GRIK1: variants seen among roughly 807,000 people sequenced by gnomAD.
GRIK1 encodes glutamate receptor ionotropic, kainate 1.
In GRIK1, 69 loss-of-function variants were observed where a neutral mutation model predicts 105.7. The observed-to-expected ratio is 0.65, with a 90% CI of 0.54 to 0.80. The LOEUF is 0.80. Ranked by LOEUF, GRIK1 falls within the 30% of genes least tolerant of loss-of-function variation. The pLI, the probability that GRIK1 is intolerant of heterozygous loss-of-function variation, is 0.00. For missense variants in GRIK1, 1,109 were observed against 1,167.3 expected, an observed-to-expected ratio of 0.95 and a Z score of 0.73; for synonymous variants, 438 against 431.3, an observed-to-expected ratio of 1.02 and a Z score of -0.19.
chr21:29,775,816 G>T (rs1049007715), intron 1 of GRIK1, among the ~76,000 whole-genome samples: 2 of 152,192 alleles, frequency 1.3e-5, no homozygotes, highest in Non-Finnish European at 2.9e-5. Flanking sequence ...TGTATGAACA[G>T]ACTTCCTTTT....
chr21:29,652,733 A>G (rs2062764062), intron 5 of GRIK1, among the ~76,000 whole-genome samples: 1 of 152,254 alleles, frequency 6.6e-6, no homozygotes, highest in African/African-American at 2.4e-5. Context: ...ATAACATTTA[A>G]CAGGAAAAAT....
intron 7 of GRIK1, among the ~76,000 whole-genome samples, chr21:29,621,336 G>A (rs1397028696): frequency 6.6e-6 from 1 of 152,078 alleles, no homozygotes; most frequent in Non-Finnish European, 1.5e-5. Context: ...TGTGGCACCT[G>A]ACAGAAATCC....
intron 1 of GRIK1, among the ~76,000 whole-genome samples, chr21:29,808,713 A>G (rs957760998): frequency 4.6e-5 from 7 of 152,326 alleles, no homozygotes; most frequent in African/African-American, 1.7e-4. Context: ...CCACTTATGC[A>G]TAATTCCTTT....
intron 1 of GRIK1, among the ~76,000 whole-genome samples, chr21:29,769,310 C>G (rs1353732593): frequency 6.6e-6 from 1 of 152,126 alleles, no homozygotes; most frequent in African/African-American, 2.4e-5. Flanking sequence ...CATTTTGACA[C>G]AGAGACAGAC....
chr21:29,726,703 A>G (rs1313297632), intron 1 of GRIK1, among the ~76,000 whole-genome samples: 2 of 151,720 alleles, frequency 1.3e-5, no homozygotes, highest in African/African-American at 2.4e-5. Context: ...ACCCTATTAT[A>G]TAAATTGACT....
chr21:29,578,535 G>T (rs1244834695), intron 13 of GRIK1, among the ~76,000 whole-genome samples: 2 of 152,170 alleles, frequency 1.3e-5, no homozygotes, highest in Non-Finnish European at 2.9e-5. Context: ...TGAATTAACG[G>T]ATATATTCTC....
At chr21:29,737,921 G>A (rs752000750) in intron 1 of GRIK1, among the ~76,000 whole-genome samples, 2 of 152,236 alleles carry the variant, frequency 1.3e-5, no homozygotes, top group Non-Finnish European at 2.9e-5. Context: ...TATCTCCCAT[G>A]AAGGCAACTT....
chr21:29,931,992 G>A (rs1246888553), intron 1 of GRIK1, among the ~76,000 whole-genome samples: 1 of 151,932 alleles, frequency 6.6e-6, no homozygotes, highest in Non-Finnish European at 1.5e-5. Flanking sequence ...ATTAACCATT[G>A]GATTTTTGTT....
At chr21:29,620,568 CT>C (rs1465560502) in intron 7 of GRIK1, among the ~76,000 whole-genome samples, 1 of 151,514 alleles carries the variant, frequency 6.6e-6, no homozygotes, top group Non-Finnish European at 1.5e-5. Context: ...TTTTCATTCT[CT>C]TTAGGATAAG....
At chr21:29,582,215 G>T in intron 12 of GRIK1, 1 of 395,164 alleles carries the variant, frequency 2.5e-6, no homozygotes, top group Non-Finnish European at 5.1e-6. Flanking sequence ...ACTGGTCCAG[G>T]CCTAGTGGTA....
At chr21:29,540,711 C>T (rs1247770205) in intron 16 of GRIK1, among the ~76,000 whole-genome samples, 1 of 152,100 alleles carries the variant, frequency 6.6e-6, no homozygotes, top group African/African-American at 2.4e-5. Context: ...TTGGGTTTTT[C>T]ATATTCACAG....
intron 3 of GRIK1, among the ~76,000 whole-genome samples, chr21:29,681,789 A>C (rs1003268587): frequency 6.6e-6 from 1 of 152,250 alleles, no homozygotes; most frequent in Non-Finnish European, 1.5e-5. Flanking sequence ...CCATATGCTT[A>C]GAACAATGCC....
intron 7 of GRIK1, among the ~76,000 whole-genome samples, chr21:29,641,629 G>T (rs898916638): frequency 2.0e-5 from 3 of 152,144 alleles, no homozygotes; most frequent in Admixed American, 2.0e-4. Flanking sequence ...GGTGCTCAGG[G>T]TACAAAATTT....
At chr21:29,582,514 G>A (rs2091044778) in intron 12 of GRIK1, among the ~76,000 whole-genome samples, 1 of 152,108 alleles carries the variant, frequency 6.6e-6, no homozygotes, top group Non-Finnish European at 1.5e-5. Context: ...TTTGTGAAGA[G>A]GAGGGAATCC....
intron 1 of GRIK1, among the ~76,000 whole-genome samples, chr21:29,865,715 C>T (rs1005001622): frequency 3.9e-5 from 6 of 152,096 alleles, no homozygotes; most frequent in African/African-American, 1.4e-4. Flanking sequence ...AATGTGTGTC[C>T]CAATATTAAG....
intron 1 of GRIK1, among the ~76,000 whole-genome samples, chr21:29,904,710 G>A (rs2070543544): frequency 6.6e-6 from 1 of 152,188 alleles, no homozygotes; most frequent in South Asian, 2.1e-4. Context: ...CTCCCCGGAA[G>A]CATGTGGCAG....
intron 9 of GRIK1, among the ~76,000 whole-genome samples, chr21:29,594,937 G>T (rs2061383064): frequency 6.6e-6 from 1 of 152,156 alleles, no homozygotes; most frequent in Non-Finnish European, 1.5e-5. Flanking sequence ...TACGAGGAAA[G>T]CTTTTGGGAT....
At chr21:29,680,668 G>A (rs2063354798) in intron 3 of GRIK1, among the ~76,000 whole-genome samples, 1 of 152,218 alleles carries the variant, frequency 6.6e-6, no homozygotes, top group African/African-American at 2.4e-5. Flanking sequence ...TGAATAGCAT[G>A]ATGAAGTCTT....
At chr21:29,909,953 A>G (rs541493494) in intron 1 of GRIK1, among the ~76,000 whole-genome samples, 2 of 152,290 alleles carry the variant, frequency 1.3e-5, no homozygotes, top group East Asian at 3.9e-4. Flanking sequence ...ATAATACTGT[A>G]CAATGGCAAG....
Sources: gnomAD v4.1 joint callset for allele counts (sites outside exome capture counted in the v4.1 genomes callset) on GRCh38, gnomAD v4.1.1 for gene constraint, MANE v1.5 for transcripts, NCBI Gene and HGNC (gene_info 2026-07-23, HGNC 2026-07-21) for gene names.